Variants in DST observed in about 807,000 individuals in gnomAD.
DST encodes dystonin.
A neutral mutation model predicts 875.2 loss-of-function variants in DST; 253 were observed. That is an observed-to-expected ratio of 0.29 (90% confidence interval 0.26 to 0.32). The LOEUF is 0.32. Ranked by LOEUF, DST falls within the 10% of genes least tolerant of loss-of-function variation. The pLI is 1.00. For synonymous variants in DST, 3,124 were observed against 3,197.1 expected (o/e 0.98, Z 0.77); for missense variants, 8,287 against 9,111.6 (o/e 0.91, Z 3.68).
At chr6:56,625,099 A>T in intron 35 of DST, 58 bp downstream of exon 35, 1 of 1,220,922 alleles carries the variant, frequency 8.2e-7, no homozygotes, top group Non-Finnish European at 1.2e-6. Flanking sequence ...ATAAAATTTA[A>T]AAAGTAAGTG....
At chr6:56,774,121 A>AC (rs1328355334) in intron 4 of DST, among the ~76,000 whole-genome samples, 1 of 151,590 alleles carries the variant, frequency 6.6e-6, no homozygotes, top group East Asian at 1.9e-4. Context: ...CTCAAAAAAA[A>AC]AAAAAAAAAA....
At chr6:56,727,432 C>T (rs558225585) in intron 5 of DST, among the ~76,000 whole-genome samples, 3 of 152,342 alleles carry the variant, frequency 2.0e-5, no homozygotes, top group Non-Finnish European at 4.4e-5. Flanking sequence ...TCACAGAACA[C>T]ACACACTTCC....
In DST at chr6:56,571,898, A is replaced by C. The variant is rs115530739; in HGVS notation, c.13721+202T>G. ...TCCACTTTTATGTAAGAAGTATTGA[A>C]TTTTCCTTCTAAATGTTAAACCAAA... On this transcript the variant is annotated intron_variant, in intron 53 of 103. Transcript: ENST00000680361. Among the ~76,000 whole-genome samples, 1,441 of 152,262 alleles carry C rather than the reference A, an allele frequency of 9.5e-3. 24 individuals are homozygous for C. Among genetic ancestry groups the C allele is most frequent in the African/African-American group, 0.033 (1,357 of 41,548 alleles).
intron 2 of DST, among the ~76,000 whole-genome samples, chr6:56,934,789 C>A (rs1812176906): frequency 6.6e-6 from 1 of 150,682 alleles, no homozygotes; most frequent in Admixed American, 6.6e-5. Context: ...TTAACATATA[C>A]TCAGAAAACA....
intron 4 of DST, among the ~76,000 whole-genome samples, chr6:56,799,576 A>T (rs980710806): frequency 6.9e-6 from 1 of 144,524 alleles, no homozygotes; most frequent in Non-Finnish European, 1.5e-5. Context: ...GACCTTCAGC[A>T]TTTTTTTTTT....
At chr6:56,674,890 G>C (rs144326063) in intron 9 of DST, among the ~76,000 whole-genome samples, 1 of 152,036 alleles carries the variant, frequency 6.6e-6, no homozygotes, top group South Asian at 2.1e-4. Flanking sequence ...ATGACACTTC[G>C]CACAGAAATA....
chr6:56,782,103 T>C (rs1317195103), intron 4 of DST, among the ~76,000 whole-genome samples: 1 of 152,176 alleles, frequency 6.6e-6, no homozygotes, highest in Non-Finnish European at 1.5e-5. Context: ...AGCTTTTCGA[T>C]GTGCTGCTGG....
chr6:56,738,681 G>A (rs1402211734), intron 4 of DST, among the ~76,000 whole-genome samples: 1 of 151,846 alleles, frequency 6.6e-6, no homozygotes, highest in Non-Finnish European at 1.5e-5. Context: ...GACTACAGTG[G>A]CACAATCTTG....
Position 56,552,963 on chromosome 6 carries a change from C to A in DST, c.15829G>T (p.Glu5277Ter). The change falls in exon 61 of 104, where the codon GAA (glutamate) becomes TAA (stop). Residue 5277 changes from glutamate to a stop codon, truncating the protein, a stop_gained. Coordinates refer to ENST00000680361, the MANE Select transcript of DST (RefSeq NM_001374736.1). LOFTEE classifies it high-confidence loss of function. ...GATTCTTTGGAAACTTCTTGAAATT[C>A]TTTAAACTTCTGAGTCATGTTCTCC... The part of the protein sequence containing the change: ...CLENMTQKFK[E>*]FQEVSKESKR... 1 of 1,613,994 alleles carries A rather than the reference C, an allele frequency of 6.2e-7. No individual in the cohort carries two copies. Among genetic ancestry groups the A allele is most frequent in the Non-Finnish European group, 8.5e-7 (1 of 1,179,882 alleles).
intron 61 of DST, 87 bp downstream of exon 61, chr6:56,552,097 T>G: frequency 1.4e-6 from 2 of 1,397,952 alleles, no homozygotes; most frequent in Non-Finnish European, 1.9e-6. Context: ...TATTAAAAAG[T>G]TCTACAAAAT....
intron 4 of DST, among the ~76,000 whole-genome samples, chr6:56,744,529 T>C (rs1011626519): frequency 1.2e-4 from 18 of 152,126 alleles, no homozygotes; most frequent in Non-Finnish European, 2.5e-4. Flanking sequence ...AGCTGTAAGA[T>C]TGTTGGTATT....
At chr6:56,588,942 C>T (rs1308676596) in intron 49 of DST, among the ~76,000 whole-genome samples, 1 of 152,026 alleles carries the variant, frequency 6.6e-6, no homozygotes, top group East Asian at 1.9e-4. Context: ...AAAAAAAATC[C>T]CTCAAGACAT....
chr6:56,617,873 A>C, intron 36 of DST: 1 of 874,252 alleles, frequency 1.1e-6, no homozygotes. Context: ...TCAGAACTAC[A>C]ATGAGCCAAT....
chr6:56,756,255 C>G (rs958075475), intron 4 of DST, among the ~76,000 whole-genome samples: 13 of 152,104 alleles, frequency 8.5e-5, no homozygotes, highest in African/African-American at 3.1e-4. Context: ...CTGGCTGGGA[C>G]ACCTCCCAGA....
chr6:56,799,917 G>A lies in DST; in HGVS notation c.625+51480C>T, dbSNP rs369582343. Among the ~76,000 whole-genome samples, 62 of 152,102 alleles carry A rather than the reference G, an allele frequency of 4.1e-4. No individual in the cohort carries two copies. In the South Asian group the frequency reaches 0.013, roughly 31 times the overall value. ...TGGGATTACAGGCATGAGCCACCAC[G>A]TCCAGCCAATACAATCTTTTTTAAT... is the stretch of plus-strand genomic sequence containing the variant. On this transcript the variant is annotated intron_variant, in intron 4 of 103. Transcript: ENST00000680361.
chr6:56,549,508 A>G (rs1562714586), intron 61 of DST, among the ~76,000 whole-genome samples: 1 of 152,216 alleles, frequency 6.6e-6, no homozygotes, highest in Admixed American at 6.5e-5. Flanking sequence ...AAACAAGTCA[A>G]TTTACTACTT....
Position 56,628,117 on chromosome 6 carries a change from C to A in DST, c.4520G>T (p.Arg1507Ile). The A allele has an allele frequency of 6.2e-7, 1 of 1,613,790 alleles. No individual in the cohort carries two copies. The highest frequency in any genetic ancestry group is 1.1e-5 in the South Asian group (1 of 91,076). ...ATCATCTAAAGGATGGTAAGTGTCT[C>A]TGTAGTACTTCAGTGATTTGCCAAT... is the stretch of plus-strand genomic sequence containing the variant. ...EGIGKSLKYY[R>I]DTYHPLDDWI... Residue 1507 changes from arginine to isoleucine, a missense_variant, in exon 33 of 104, where the codon AGA becomes ATA. Physicochemically the swap from Arg to Ile is moderately conservative, Grantham distance 97. Around this residue, in one of 10 missense-constraint regions of DST, gnomAD observed 3,138 missense variants for 3,116.6 expected, o/e 1.01. Coordinates refer to ENST00000680361, the MANE Select transcript of DST (RefSeq NM_001374736.1).
chr6:56,844,274 T>G (rs1610156), intron 4 of DST, among the ~76,000 whole-genome samples: 23,818 of 152,026 alleles, frequency 0.16, 2,104 homozygotes, highest in Non-Finnish European at 0.18. Flanking sequence ...GCGCCTGAGC[T>G]CCCGGCCGCC....
intron 4 of DST, among the ~76,000 whole-genome samples, chr6:56,763,055 G>A (rs1160886732): frequency 6.6e-6 from 1 of 151,854 alleles, no homozygotes; most frequent in African/African-American, 2.4e-5. Flanking sequence ...TCGACATGTT[G>A]GCCAGGCTGG....
Sources: gnomAD v4.1 joint callset for allele counts (sites outside exome capture counted in the v4.1 genomes callset) on GRCh38, gnomAD v4.1.1 for gene constraint, gnomAD v4.1.1 regional missense constraint, MANE v1.5 for transcripts, NCBI Gene and HGNC (gene_info 2026-07-23, HGNC 2026-07-21) for gene names.